Variants in ADGRD1 observed in about 807,000 individuals in gnomAD.
The protein encoded by ADGRD1 is adhesion G protein-coupled receptor D1.
A neutral mutation model predicts 113.4 loss-of-function variants in ADGRD1; 77 were observed. The ratio of observed to expected loss-of-function variants is 0.68; its 90% confidence interval spans 0.57 to 0.82. The LOEUF (loss-of-function observed/expected upper bound fraction) is 0.82. ADGRD1 is among the 40% of genes least tolerant of loss of function. ADGRD1 has a pLI of 0.00. For synonymous variants in ADGRD1, 474 were observed against 475.0 expected (o/e 1.00, Z 0.03); for missense variants, 1,036 against 1,139.1 (o/e 0.91, Z 1.30).
At chr12:131,039,904 C>T (rs553969470) in intron 13 of ADGRD1, among the ~76,000 whole-genome samples, 4 of 152,354 alleles carry the variant, frequency 2.6e-5, no homozygotes, top group East Asian at 3.9e-4. Context: ...AAGGTGCTGC[C>T]GGCCAGCTGT....
intron 13 of ADGRD1, among the ~76,000 whole-genome samples, chr12:131,044,053 G>A (rs530985964): frequency 1.3e-5 from 2 of 152,308 alleles, no homozygotes; most frequent in South Asian, 2.1e-4. Context: ...GCCTCACACC[G>A]TGTAGGAACT....
intron 11 of ADGRD1, among the ~76,000 whole-genome samples, chr12:131,005,523 G>A (rs1296545081): frequency 6.6e-6 from 1 of 152,172 alleles, no homozygotes; most frequent in Non-Finnish European, 1.5e-5. Flanking sequence ...CTCACTCAGT[G>A]TTGCCCTAAA....
At chr12:130,964,542 G>A (rs917801037) in intron 2 of ADGRD1, among the ~76,000 whole-genome samples, 1 of 152,008 alleles carries the variant, frequency 6.6e-6, no homozygotes, top group Non-Finnish European at 1.5e-5. Flanking sequence ...AAAAATTGCC[G>A]GGCATGGTGG....
intron 12 of ADGRD1, among the ~76,000 whole-genome samples, chr12:131,010,726 C>A (rs12322474): frequency 0.086 from 13,069 of 152,136 alleles, 1,200 homozygotes; most frequent in African/African-American, 0.23. Context: ...TGAAGGAAGG[C>A]GGATTTGCAA....
Position 131,014,226 on chromosome 12 carries a change from C to T in ADGRD1, c.1359C>T (p.Asp453=), listed in dbSNP as rs1878282938. ...TKIAEAMHHQ[D]CLLFATSHLI... is the part of the protein sequence containing the mutation. Reference sequence around the variant, plus strand: ...TCGCGGAGGCCATGCATCACCAGGACTGCCTGCTGTTCGCCACCAGCCACC... The same window carrying T: ...TCGCGGAGGCCATGCATCACCAGGATTGCCTGCTGTTCGCCACCAGCCACC... The change falls in exon 13 of 25, where the codon GAC becomes GAT. Residue 453 remains aspartate (D), a synonymous_variant. Transcript: ENST00000261654. The T allele has an allele frequency of 6.2e-7, 1 of 1,614,180 alleles. No individual in the cohort carries two copies. Among genetic ancestry groups the T allele is most frequent in the Non-Finnish European group, 8.5e-7 (1 of 1,179,990 alleles).
At chr12:130,996,256 A>C (rs1875323121) in intron 8 of ADGRD1, among the ~76,000 whole-genome samples, 1 of 144,010 alleles carries the variant, frequency 6.9e-6, no homozygotes, top group Admixed American at 6.9e-5. Context: ...CAAAGCCGCG[A>C]TTGTCATCCT....
chr12:131,070,743 C>T lies in ADGRD1; in HGVS notation c.1474-6058C>T, dbSNP rs189566347. The T allele has an allele frequency of 9.6e-4, 482 of 500,252 alleles. 2 individuals carry two copies. The highest frequency in any genetic ancestry group is 8.1e-3 in the African/African-American group (419 of 51,806). The allele number at this position is 500,252 out of a possible 1,614,324, so 31.0% of individuals were successfully genotyped here. A position where few individuals can be genotyped will look rare whatever the true frequency, so the allele number is the denominator to read the frequency against. On this transcript the variant is annotated intron_variant, in intron 13 of 24. Transcript: ENST00000261654. ...GCTCCACCCACAGCACTATCCTGGG[C>T]GGAACCTTCCTGGCCCCACCCACAG...
chr12:131,004,408 G>A (rs563789908), intron 11 of ADGRD1, 112 bp downstream of exon 11: 5 of 827,306 alleles, frequency 6.0e-6, no homozygotes, highest in African/African-American at 1.7e-5. Flanking sequence ...GTGCTCCCCC[G>A]GGCCGCCTGC....
At chr12:131,085,882 TC>T (rs1886426525) in intron 15 of ADGRD1, among the ~76,000 whole-genome samples, 1 of 152,166 alleles carries the variant, frequency 6.6e-6, no homozygotes, top group South Asian at 2.1e-4. Context: ...AGACTCATCT[TC>T]CGTGCGGAGC....
At chr12:131,026,478 G>A (rs1439928718) in intron 13 of ADGRD1, 1 of 152,296 alleles carries the variant, frequency 6.6e-6, no homozygotes, top group Non-Finnish European at 1.5e-5. Context: ...GAGCTCCGGA[G>A]CGCTTTCTGA....
intron 6 of ADGRD1, chr12:130,990,053 A>G (rs1395299027): frequency 6.6e-6 from 1 of 152,248 alleles, no homozygotes; most frequent in Admixed American, 6.5e-5. Context: ...GGATCGCTGG[A>G]CCGATTTTCA....
chr12:131,136,216 G>T, intron 22 of ADGRD1, 53 bp downstream of exon 22: 1 of 1,603,436 alleles, frequency 6.2e-7, no homozygotes, highest in Non-Finnish European at 8.5e-7. Context: ...ATCAGGAGCA[G>T]GCTTGCAGGG....
chr12:131,136,166 G>T lies in ADGRD1; in HGVS notation c.2394+3G>T. 1 of 1,613,980 alleles carries T rather than the reference G, an allele frequency of 6.2e-7. No individual in the cohort carries two copies. Among genetic ancestry groups the T allele is most frequent in the Admixed American group, 1.7e-5 (1 of 59,998 alleles). On this transcript the variant is annotated splice_donor_region_variant and intron_variant, in intron 22 of 24. Transcript: ENST00000261654. ...TTGCCACGCTCAACTCCCTGCAGGTGAGAGCCGCGGGGACTGGCGGGGAGG... is the reference window on the plus strand; with the variant it reads ...TTGCCACGCTCAACTCCCTGCAGGTTAGAGCCGCGGGGACTGGCGGGGAGG...
intron 13 of ADGRD1, among the ~76,000 whole-genome samples, chr12:131,040,431 A>G (rs1396665313): frequency 2.0e-5 from 3 of 152,218 alleles, no homozygotes; most frequent in African/African-American, 7.2e-5. Context: ...TTAAGCAGTA[A>G]TCTCCATAAA....
At chr12:130,985,429 T>A (rs911377790) in intron 5 of ADGRD1, among the ~76,000 whole-genome samples, 1 of 152,234 alleles carries the variant, frequency 6.6e-6, no homozygotes, top group Non-Finnish European at 1.5e-5. Context: ...TAATAAGTCA[T>A]CACTAAACCC....
rs372034935 is a variant in ADGRD1, at chr12:131,103,299, C to CCA, written c.1672-1531_1672-1530dup. Among the ~76,000 whole-genome samples the CCA allele has an allele frequency of 2.0e-5, 3 of 152,382 alleles. No homozygotes were observed. In the East Asian group the frequency reaches 5.8e-4, roughly 29 times the overall value. ...ACAGCTGTTTCACTCCTGAAGGGGG[C>CCA]CAGGCCAAGGCCCTGCCTTCTGCAA... On this transcript the variant is annotated intron_variant, in intron 15 of 24. Transcript: ENST00000261654.
At chr12:131,040,984 G>A (rs1374494738) in intron 13 of ADGRD1, among the ~76,000 whole-genome samples, 1 of 152,236 alleles carries the variant, frequency 6.6e-6, no homozygotes, top group Non-Finnish European at 1.5e-5. Flanking sequence ...TGTGTGGCAG[G>A]ACAGTGGGGC....
At chr12:131,135,936 G>A (rs562818632) in intron 21 of ADGRD1, 101 bp from the exon 22 acceptor site, 26 of 1,295,080 alleles carry the variant, frequency 2.0e-5, no homozygotes, top group Admixed American at 9.5e-5. Flanking sequence ...CCGGCAGGGC[G>A]GTGCCTGCAC....
chr12:130,996,161 T>C (rs1875293212), intron 8 of ADGRD1, among the ~76,000 whole-genome samples: 1 of 149,996 alleles, frequency 6.7e-6, no homozygotes, highest in Non-Finnish European at 1.5e-5. Context: ...AAATGAAAAG[T>C]CTCCCATGTC....
Sources: gnomAD v4.1 joint callset for allele counts (sites outside exome capture counted in the v4.1 genomes callset) on GRCh38, gnomAD v4.1.1 for gene constraint, MANE v1.5 for transcripts, NCBI Gene and HGNC (gene_info 2026-07-23, HGNC 2026-07-21) for gene names.